AGBL4: variants seen among roughly 807,000 people sequenced by gnomAD.
AGBL4 encodes cytosolic carboxypeptidase 6.
A neutral mutation model predicts 66.4 loss-of-function variants in AGBL4; 58 were observed. That is an observed-to-expected ratio of 0.87 (90% CI 0.71 to 1.09). The LOEUF is 1.09. Among genes scored for constraint, AGBL4 ranks in the 50% least tolerant of loss-of-function variants. AGBL4 has a pLI of 0.00. For missense variants in AGBL4, 579 were observed against 631.0 expected (o/e 0.92, Z 0.88); for synonymous variants, 234 against 222.9 (o/e 1.05, Z -0.44).
intron 3 of AGBL4, among the ~76,000 whole-genome samples, chr1:49,383,100 A>T (rs544452372): frequency 1.3e-5 from 2 of 152,328 alleles, no homozygotes; most frequent in African/African-American, 4.8e-5. Context: ...AAAGAGGCAA[A>T]AGATGTGTAT....
At chr1:49,621,678 T>C (rs1645362206) in intron 3 of AGBL4, among the ~76,000 whole-genome samples, 1 of 152,196 alleles carries the variant, frequency 6.6e-6, no homozygotes, top group Admixed American at 6.5e-5. Flanking sequence ...GGGAGGAAAG[T>C]CTTTGAAGAG....
At chr1:48,797,159 C>T (rs996982010) in intron 6 of AGBL4, among the ~76,000 whole-genome samples, 1 of 152,208 alleles carries the variant, frequency 6.6e-6, no homozygotes, top group Non-Finnish European at 1.5e-5. Flanking sequence ...TATCTAGCTT[C>T]AGACCCAAAA....
At chr1:49,236,251 C>G (rs1238336185) in intron 4 of AGBL4, among the ~76,000 whole-genome samples, 5 of 152,052 alleles carry the variant, frequency 3.3e-5, no homozygotes, top group Non-Finnish European at 7.4e-5. Flanking sequence ...TGGTCACAAA[C>G]TCCTGACCTC....
At chr1:49,714,593 T>TATATATATATACAC (rs1491300456) in intron 2 of AGBL4, among the ~76,000 whole-genome samples, 15 of 113,984 alleles carry the variant, frequency 1.3e-4, no homozygotes, top group African/African-American at 4.4e-4. Context: ...TATATATATA[T>TATATATATATACAC]ACACACACAC....
chr1:50,010,957 A>G (rs79540073), intron 1 of AGBL4, among the ~76,000 whole-genome samples: 1,664 of 152,318 alleles, frequency 0.011, 27 homozygotes, highest in African/African-American at 0.038. Context: ...CAAAGCAAAA[A>G]TGGACAAATG....
intron 5 of AGBL4, among the ~76,000 whole-genome samples, chr1:48,959,872 G>T (rs746761262): frequency 2.6e-5 from 4 of 152,224 alleles, no homozygotes; most frequent in African/African-American, 7.2e-5. Flanking sequence ...AACAGATCAT[G>T]TAGGGCCTTG....
At chr1:49,927,355 C>T (rs1652880703) in intron 1 of AGBL4, among the ~76,000 whole-genome samples, 1 of 152,108 alleles carries the variant, frequency 6.6e-6, no homozygotes, top group Admixed American at 6.6e-5. Flanking sequence ...ACTCAAAGTT[C>T]CACATGGCCA....
At chr1:49,117,779 G>T (rs1448616190) in intron 4 of AGBL4, among the ~76,000 whole-genome samples, 4 of 152,062 alleles carry the variant, frequency 2.6e-5, no homozygotes, top group South Asian at 2.1e-4. Context: ...AGCTTGATGG[G>T]GATGGCATTG....
intron 1 of AGBL4, among the ~76,000 whole-genome samples, chr1:49,873,777 T>G (rs1300618150): frequency 6.6e-6 from 1 of 152,114 alleles, no homozygotes; most frequent in Non-Finnish European, 1.5e-5. Flanking sequence ...GATTCCATGC[T>G]TATTTCTTCC....
chr1:48,537,568 T>C (rs1643993947), intron 12 of AGBL4, among the ~76,000 whole-genome samples: 1 of 152,216 alleles, frequency 6.6e-6, no homozygotes. Flanking sequence ...CACATGACTC[T>C]GACCAGCTCC....
intron 1 of AGBL4, among the ~76,000 whole-genome samples, chr1:49,926,335 C>G (rs1431618402): frequency 6.6e-6 from 1 of 152,156 alleles, no homozygotes; most frequent in Non-Finnish European, 1.5e-5. Flanking sequence ...TTGGGGTACC[C>G]TTAATGCAGA....
intron 1 of AGBL4, among the ~76,000 whole-genome samples, chr1:49,903,662 C>A (rs539590792): frequency 6.6e-6 from 1 of 152,152 alleles, no homozygotes; most frequent in African/African-American, 2.4e-5. Context: ...ATATCTATTA[C>A]AGATATTGGC....
chr1:49,373,903 C>A (rs1644418712), intron 3 of AGBL4, among the ~76,000 whole-genome samples: 1 of 152,088 alleles, frequency 6.6e-6, no homozygotes, highest in Non-Finnish European at 1.5e-5. Flanking sequence ...GGTATTGGGT[C>A]AAAGCTTCTC....
At chr1:49,866,238 A>C (rs1338311809) in intron 1 of AGBL4, among the ~76,000 whole-genome samples, 1 of 152,144 alleles carries the variant, frequency 6.6e-6, no homozygotes, top group Non-Finnish European at 1.5e-5. Context: ...GCCAACATTC[A>C]AATTCAGAAA....
At chr1:48,689,374 C>CACCTACCT (rs527261285) in intron 6 of AGBL4, among the ~76,000 whole-genome samples, 70 of 150,298 alleles carry the variant, frequency 4.7e-4, no homozygotes, top group Admixed American at 2.4e-3. Flanking sequence ...GGATGACGGT[C>CACCTACCT]ACCTACCTAC....
intron 5 of AGBL4, among the ~76,000 whole-genome samples, chr1:48,923,790 ATGTACATTTG>A: frequency 6.6e-6 from 1 of 152,344 alleles, no homozygotes; most frequent in South Asian, 2.1e-4. Flanking sequence ...CCCAGGACCA[ATGTACATTTG>A]TGTTCATACA....
intron 2 of AGBL4, among the ~76,000 whole-genome samples, chr1:49,792,081 G>T (rs2147930069): frequency 6.6e-6 from 1 of 152,134 alleles, no homozygotes; most frequent in South Asian, 2.1e-4. Context: ...ATGCCCAGCA[G>T]CATCACGGAC....
intron 1 of AGBL4, among the ~76,000 whole-genome samples, chr1:49,997,621 C>G (rs527515281): frequency 4.1e-4 from 62 of 152,194 alleles, no homozygotes; most frequent in Non-Finnish European, 2.4e-4. Flanking sequence ...GACTTCAATA[C>G]TCCACTGAGA....
intron 6 of AGBL4, among the ~76,000 whole-genome samples, chr1:48,855,894 A>AAAACATAC (rs1272566489): frequency 6.6e-6 from 1 of 152,168 alleles, no homozygotes; most frequent in African/African-American, 2.4e-5. Flanking sequence ...AATATAGACA[A>AAAACATAC]AAACATACAT....
Sources: gnomAD v4.1 joint callset for allele counts (sites outside exome capture counted in the v4.1 genomes callset) on GRCh38, gnomAD v4.1.1 for gene constraint, MANE v1.5 for transcripts, NCBI Gene and HGNC (gene_info 2026-07-23, HGNC 2026-07-21) for gene names.